Variants in SCAPER observed in about 807,000 individuals in gnomAD.
The protein encoded by SCAPER is S-phase cyclin A associated protein in the ER.
Under a neutral mutation model 182.2 loss-of-function variants are expected in SCAPER, and 98 were observed. The observed-to-expected ratio is 0.54, with a 90% confidence interval of 0.46 to 0.64. The LOEUF is 0.64. Among genes scored for constraint, SCAPER ranks in the 30% least tolerant of loss-of-function variants. The probability of loss-of-function intolerance (pLI) is 0.00; values close to 1 mark genes in which losing one functional copy is unlikely to be tolerated. For missense variants in SCAPER, 1,432 were observed against 1,690.0 expected (o/e 0.85, Z 2.68); for synonymous variants, 605 against 564.6 (o/e 1.07, Z -1.01).
intron 24 of SCAPER, among the ~76,000 whole-genome samples, chr15:76,489,538 A>C (rs1191494387): frequency 6.6e-6 from 1 of 151,902 alleles, no homozygotes; most frequent in African/African-American, 2.4e-5. Flanking sequence ...TGTAGCTGTT[A>C]AGTCTGGCTT....
chr15:76,485,989 C>T (rs1341994980), intron 24 of SCAPER, among the ~76,000 whole-genome samples: 7 of 152,044 alleles, frequency 4.6e-5, no homozygotes, highest in African/African-American at 1.2e-4. Context: ...GGGCAGATCA[C>T]GAAGTCAGGA....
At chr15:76,808,180 G>C (rs887766302) in intron 5 of SCAPER, among the ~76,000 whole-genome samples, 1 of 152,142 alleles carries the variant, frequency 6.6e-6, no homozygotes, top group Non-Finnish European at 1.5e-5. Flanking sequence ...CCACAGAAAG[G>C]GTTTGTCTGC....
At chr15:76,802,505 C>T (rs1398476869) in intron 6 of SCAPER, among the ~76,000 whole-genome samples, 4 of 152,166 alleles carry the variant, frequency 2.6e-5, no homozygotes, top group African/African-American at 9.7e-5. Context: ...TTAGGCCTGA[C>T]CCACCCAGGG....
intron 24 of SCAPER, among the ~76,000 whole-genome samples, chr15:76,481,458 A>T (rs1349786709): frequency 6.6e-6 from 1 of 152,188 alleles, no homozygotes; most frequent in Non-Finnish European, 1.5e-5. Flanking sequence ...CAACAATGAA[A>T]AAAATTAGAT....
At chr15:76,436,783 C>A (rs2047226715) in intron 25 of SCAPER, among the ~76,000 whole-genome samples, 1 of 152,156 alleles carries the variant, frequency 6.6e-6, no homozygotes, top group Non-Finnish European at 1.5e-5. Context: ...TCTAATCAAA[C>A]AGAAGCTGAA....
At chr15:76,390,784 G>T (rs953406672) in intron 27 of SCAPER, among the ~76,000 whole-genome samples, 6 of 147,416 alleles carry the variant, frequency 4.1e-5, no homozygotes, top group Non-Finnish European at 9.0e-5. Flanking sequence ...GGCTGAAGGA[G>T]CTCTGCCAGA....
At chr15:76,583,871 C>CA (rs2048442525) in intron 22 of SCAPER, among the ~76,000 whole-genome samples, 1 of 152,012 alleles carries the variant, frequency 6.6e-6, no homozygotes, top group African/African-American at 2.4e-5. Flanking sequence ...GGAGGTTTCT[C>CA]AAAAAACTAG....
At chr15:76,536,984 A>C (rs1279484857) in intron 23 of SCAPER, among the ~76,000 whole-genome samples, 1 of 152,174 alleles carries the variant, frequency 6.6e-6, no homozygotes, top group Admixed American at 6.5e-5. Flanking sequence ...CAAAGAGAAT[A>C]AAATACTTAG....
intron 24 of SCAPER, among the ~76,000 whole-genome samples, chr15:76,504,318 G>A (rs1044915735): frequency 2.8e-4 from 43 of 152,210 alleles, no homozygotes; most frequent in African/African-American, 1.0e-3. Flanking sequence ...TATACCCCAG[G>A]TGGCCAGGGA....
intron 5 of SCAPER, among the ~76,000 whole-genome samples, chr15:76,811,715 G>GAACCAACCC (rs1225741606): frequency 1.3e-5 from 2 of 152,042 alleles, no homozygotes; most frequent in Non-Finnish European, 2.9e-5. Context: ...TTGAACCCAG[G>GAACCAACCC]AGGTGGAGGT....
At chr15:76,551,738 T>C (rs183120209) in intron 23 of SCAPER, among the ~76,000 whole-genome samples, 46 of 152,308 alleles carry the variant, frequency 3.0e-4, no homozygotes, top group African/African-American at 1.0e-3. Context: ...TTTGAGGTGA[T>C]GGATATGCTA....
intron 20 of SCAPER, among the ~76,000 whole-genome samples, chr15:76,699,273 G>T (rs1376484152): frequency 6.6e-6 from 1 of 152,146 alleles, no homozygotes; most frequent in Non-Finnish European, 1.5e-5. Flanking sequence ...TTGCCTGACT[G>T]CTCTGGCTAG....
chr15:76,783,338 A>T (rs894890066), intron 8 of SCAPER, among the ~76,000 whole-genome samples: 1 of 152,198 alleles, frequency 6.6e-6, no homozygotes, highest in Non-Finnish European at 1.5e-5. Context: ...ACTGGGAAGA[A>T]ATCGAATCTC....
At chr15:76,641,034 A>G (rs1421597412) in intron 21 of SCAPER, among the ~76,000 whole-genome samples, 2 of 152,156 alleles carry the variant, frequency 1.3e-5, no homozygotes, top group Non-Finnish European at 2.9e-5. Flanking sequence ...ATAGGGCTAT[A>G]AACACCCTCA....
At chr15:76,647,893 T>G (rs1419611950) in intron 21 of SCAPER, among the ~76,000 whole-genome samples, 1 of 152,108 alleles carries the variant, frequency 6.6e-6, no homozygotes, top group Non-Finnish European at 1.5e-5. Context: ...TAAAGGTTAC[T>G]CTATGTCAAA....
At chr15:76,711,232 CAA>C (rs1314986510) in intron 17 of SCAPER, among the ~76,000 whole-genome samples, 1 of 152,086 alleles carries the variant, frequency 6.6e-6, no homozygotes, top group Non-Finnish European at 1.5e-5. Flanking sequence ...TCACATTCTT[CAA>C]AGACACTATT....
chr15:76,651,187 C>T (rs1252998463), intron 21 of SCAPER, among the ~76,000 whole-genome samples: 2 of 151,784 alleles, frequency 1.3e-5, no homozygotes, highest in Non-Finnish European at 2.9e-5. Context: ...AAACAAAAAT[C>T]AAATGCAGCA....
At chr15:76,706,923 C>G (rs977108259) in intron 17 of SCAPER, among the ~76,000 whole-genome samples, 24 of 151,906 alleles carry the variant, frequency 1.6e-4, no homozygotes, top group African/African-American at 5.8e-4. Flanking sequence ...TCGCCTAGTT[C>G]TCTTAAACAT....
At chr15:76,511,522 C>T (rs1448940691) in intron 23 of SCAPER, among the ~76,000 whole-genome samples, 8 of 152,162 alleles carry the variant, frequency 5.3e-5, no homozygotes, top group East Asian at 1.9e-4. Context: ...AAGAGATTCA[C>T]GGACCTCAGA....
Sources: gnomAD v4.1 joint callset for allele counts (sites outside exome capture counted in the v4.1 genomes callset) on GRCh38, gnomAD v4.1.1 for gene constraint, MANE v1.5 for transcripts, NCBI Gene and HGNC (gene_info 2026-07-23, HGNC 2026-07-21) for gene names.